SHC1: variants seen among roughly 807,000 people sequenced by gnomAD.
SHC1 encodes the protein SHC adaptor protein 1, also known as SHC-transforming protein 1.
SHC1 carries 30 observed loss-of-function variants against 55.9 expected under a neutral mutation model. The ratio of observed to expected loss-of-function variants is 0.54; its 90% CI spans 0.40 to 0.73. SHC1 has a LOEUF of 0.73. Ranked by LOEUF, SHC1 falls within the 30% of genes least tolerant of loss-of-function variation. The pLI is 0.00. For synonymous variants in SHC1, 309 were observed against 306.1 expected (o/e 1.01, Z -0.10); for missense variants, 675 against 777.1 (o/e 0.87, Z 1.56).
upstream of SHC1, among the ~76,000 whole-genome samples, chr1:154,972,286 A>G (rs1407723185): frequency 6.6e-6 from 1 of 152,060 alleles, no homozygotes; most frequent in East Asian, 1.9e-4. Flanking sequence ...TCACCTTGGA[A>G]TTACCCTTAG....
Position 154,965,684 on chromosome 1 carries a change from G to C in SHC1, c.1485C>G (p.Ser495Arg). 7 of 1,614,164 alleles carry C rather than the reference G, an allele frequency of 4.3e-6. 1 individual carries two copies. Among genetic ancestry groups the C allele is most frequent in the Middle Eastern group, 1.7e-4 (1 of 6,058 alleles). Residue 495 changes from serine to arginine, a missense_variant, in exon 11 of 12, where the codon AGC (serine) becomes AGG (arginine). Around this residue, in one of 3 missense-constraint regions of SHC1, gnomAD observed 360 missense variants for 371.1 expected, o/e 0.97. Transcript: ENST00000448116. ...GCAGCAGTGCCTCAGCCTCCCGCCG[G>C]CTCAGCTTCCCATGGAACCAGGGCT... is the stretch of plus-strand genomic sequence containing the variant. Reference protein sequence around the residue: ...RGEPWFHGKLSRREAEALLQL... With the variant: ...RGEPWFHGKLRRREAEALLQL...
At chr1:154,972,186 A>G (rs1656817525), upstream of SHC1, among the ~76,000 whole-genome samples, 1 of 151,848 alleles carries the variant, frequency 6.6e-6, no homozygotes, top group African/African-American at 2.4e-5. Flanking sequence ...CGGAGGTTGC[A>G]GTGAGCCGAG....
chr1:154,971,575 G>A (rs1656753815), upstream of SHC1, among the ~76,000 whole-genome samples: 1 of 152,096 alleles, frequency 6.6e-6, no homozygotes, highest in South Asian at 2.1e-4. Flanking sequence ...GGGTGAGAAT[G>A]AGGCAATCAG....
chr1:154,963,638 A>G lies in SHC1; in HGVS notation c.*165T>C. ...GGCAGGATTCTCACCCAGGCTTTTG[A>G]CTCAAACCCTCTCACTCAGCTGGAT... On this transcript the variant is annotated 3_prime_UTR_variant, in exon 12 of 12. Transcript: ENST00000448116. 2 of 646,978 alleles carry G rather than the reference A, an allele frequency of 3.1e-6. No individual in the cohort carries two copies. The allele number at this position is 646,978 out of a possible 1,614,324, so 40.1% of individuals were successfully genotyped here. A position where few individuals can be genotyped will look rare whatever the true frequency, so the allele number is the denominator to read the frequency against.
upstream of SHC1, among the ~76,000 whole-genome samples, chr1:154,972,956 A>AC (rs1183051703): frequency 2.0e-5 from 3 of 151,794 alleles, no homozygotes; most frequent in Non-Finnish European, 4.4e-5. Flanking sequence ...ACTATTATCT[A>AC]CCCCCACTCC....
rs1304889090 is a variant in SHC1, at chr1:154,970,162, G to A, written c.365C>T (p.Thr122Ile). 6.2e-7 allele frequency: 1 copy of A among 1,613,492 alleles called. No individual in the cohort carries two copies. The highest frequency in any genetic ancestry group is 8.5e-7 in the Non-Finnish European group (1 of 1,179,898). ...CCCAAGCTGGCCCCCTTCCACCCGA[G>A]TCCTGCGCCCGCCGCCTCCACTCAG... ...NKLSGGGGRR[T>I]RVEGGQLGGE... is the part of the protein sequence containing the mutation. Residue 122 changes from threonine (T) to isoleucine (I), a missense_variant, in exon 1 of 12, where the codon ACT becomes ATT. By Grantham distance (89) the Thr-to-Ile change is moderately conservative (BLOSUM62 -1). This residue lies in a region of SHC1 where 156 missense variants were observed against 159.1 expected (regional missense o/e 0.98). Transcript: ENST00000448116. The surrounding 1 kb of genome is among the most constrained non-coding windows in gnomAD (Gnocchi z 5.5).
In SHC1 at chr1:154,965,964, G is replaced by A. The variant is rs747330503; in HGVS notation, c.1369C>T (p.Arg457Trp). 2.6e-5 allele frequency: 42 copies of A among 1,613,232 alleles called. No homozygotes were observed. Among genetic ancestry groups the A allele is most frequent in the East Asian group, 2.2e-5 (1 of 44,862 alleles). ...CACTCACTCATGTCAAACAGGTCCC[G>A]GGGTGCACTGCCATTGATAGCAGGA... ...PNPAINGSAPRDLFDMKPFED... is the reference protein window; with the variant it reads ...PNPAINGSAPWDLFDMKPFED... The change falls in exon 10 of 12, where the codon CGG (arginine) becomes TGG (tryptophan). Residue 457 changes from arginine (R) to tryptophan (W), a missense_variant. This residue lies in a region of SHC1 where 360 missense variants were observed against 371.1 expected (regional missense o/e 0.97). Transcript: ENST00000448116.
rs771545541 is a variant in SHC1 at position 154,968,833 on chromosome 1, C to T, written c.568G>A (p.Glu190Lys). The change falls in exon 3 of 12, where the codon GAG becomes AAG. Residue 190 changes from glutamate to lysine, a missense_variant and splice_region_variant. This residue lies in a region of SHC1 where 159 missense variants were observed against 246.9 expected (regional missense o/e 0.64). Transcript: ENST00000448116. Reference protein sequence around the residue: ...DFNTRTQVTREAISLVCEAVP... With the variant: ...DFNTRTQVTRKAISLVCEAVP... ...GCCTCACACACCAGACTGATGGCCTCCCTGGGGAAAGAGGGGTACTCAGAC... is the reference window on the plus strand; with the variant it reads ...GCCTCACACACCAGACTGATGGCCTTCCTGGGGAAAGAGGGGTACTCAGAC... 1.2e-6 allele frequency: 2 copies of T among 1,613,980 alleles called. No homozygotes were observed. The highest frequency in any genetic ancestry group is 3.3e-5 in the Admixed American group (2 of 60,016).
At chr1:154,972,573 T>C (rs1656847954), upstream of SHC1, among the ~76,000 whole-genome samples, 1 of 152,166 alleles carries the variant, frequency 6.6e-6, no homozygotes, top group Admixed American at 6.5e-5. Context: ...TCTGTAGAGA[T>C]GATGTTCTGT....
chr1:154,968,837 G>A lies in SHC1; in HGVS notation c.567-3C>T. The stretch of plus-strand genomic sequence containing the variant: ...CACACACCAGACTGATGGCCTCCCT[G>A]GGGAAAGAGGGGTACTCAGACCCAG... On this transcript the variant is annotated splice_polypyrimidine_tract_variant and splice_region_variant and intron_variant, in intron 2 of 11. Transcript: ENST00000448116. 3.7e-6 allele frequency: 6 copies of A among 1,613,674 alleles called. No homozygotes were observed. Among genetic ancestry groups the A allele is most frequent in the Non-Finnish European group, 4.2e-6 (5 of 1,179,620 alleles).
intron 7 of SHC1, 49 bp downstream of exon 7, chr1:154,967,622 T>TTCCTAA: frequency 1.3e-6 from 2 of 1,597,240 alleles, no homozygotes; most frequent in Non-Finnish European, 1.7e-6. Context: ...CAGCCCTCCT[T>TTCCTAA]TCCTAATCCT....
At chr1:154,965,257 G>A (rs1360745185) in intron 11 of SHC1, 28 of 776,492 alleles carry the variant, frequency 3.6e-5, no homozygotes, top group South Asian at 1.2e-4. Flanking sequence ...GGCTGGTCTC[G>A]AACTCCTGAC....
chr1:154,962,457 C>G lies in SHC1; in HGVS notation c.*1346G>C, dbSNP rs1164554480. ...GCCGGCTTGCTGTGGTGTGGCCACCCCGGGCCTAGGCTGGGCCGGGCCTGT... is the reference window on the plus strand; with the variant it reads ...GCCGGCTTGCTGTGGTGTGGCCACCGCGGGCCTAGGCTGGGCCGGGCCTGT... On this transcript the variant is annotated 3_prime_UTR_variant, in exon 12 of 12. Transcript: ENST00000448116. 6.6e-6 allele frequency: 1 copy of G among 152,620 alleles called. No homozygotes were observed. The highest frequency in any genetic ancestry group is 2.4e-5 in the African/African-American group (1 of 41,438). The allele number at this position is 152,620 out of a possible 1,614,324, so 9.5% of individuals were successfully genotyped here.
chr1:154,970,709 T>C lies in SHC1; in HGVS notation c.-183A>G, dbSNP rs1656656827. 1.9e-6 allele frequency: 1 copy of C among 520,992 alleles called. No homozygotes were observed. Among genetic ancestry groups the C allele is most frequent in the Non-Finnish European group, 3.4e-6 (1 of 296,792 alleles). 32.3% of individuals were successfully genotyped at this position (520,992 alleles called of 1,614,324 possible). On this transcript the variant is annotated 5_prime_UTR_variant, in exon 1 of 12. Coordinates refer to ENST00000448116, the MANE Select transcript of SHC1 (RefSeq NM_001130040.2). The surrounding 1 kb of genome is among the most constrained non-coding windows in gnomAD (Gnocchi z 5.5). The stretch of plus-strand genomic sequence containing the variant: ...GCTCCCCAGCTCAGACCCAGACAGT[T>C]TCAGGCCCCATCCCCGCCCAACGTG...
In SHC1 at chr1:154,970,511, G is replaced by C; in HGVS notation, c.16C>G (p.Pro6Ala). ...CGGAGTGGATTGTACTTGGGCTTGGGGGGCAGGAGATCCATAGTTGAGGTG... is the reference window on the plus strand; with the variant it reads ...CGGAGTGGATTGTACTTGGGCTTGGCGGGCAGGAGATCCATAGTTGAGGTG... Reference protein sequence around the residue: MDLLPPKPKYNPLRNE... With the variant: MDLLPAKPKYNPLRNE... Residue 6 changes from proline to alanine, a missense_variant, in exon 1 of 12, where the codon CCC becomes GCC. Around this residue, in one of 3 missense-constraint regions of SHC1, gnomAD observed 156 missense variants for 159.1 expected, o/e 0.98. Coordinates refer to ENST00000448116, the MANE Select transcript of SHC1 (RefSeq NM_001130040.2). The surrounding 1 kb of genome is among the most constrained non-coding windows in gnomAD (Gnocchi z 5.5). 1 of 1,608,418 alleles carries C rather than the reference G, an allele frequency of 6.2e-7. No individual in the cohort carries two copies. Among genetic ancestry groups the C allele is most frequent in the South Asian group, 1.1e-5 (1 of 90,534 alleles).
At chr1:154,971,773 T>G (rs1200408972), upstream of SHC1, among the ~76,000 whole-genome samples, 3 of 152,068 alleles carry the variant, frequency 2.0e-5, no homozygotes, top group Non-Finnish European at 4.4e-5. Context: ...AAGACACATC[T>G]GCGTCAATAA....
At chr1:154,965,294 C>G in intron 11 of SHC1, 1 of 1,267,922 alleles carries the variant, frequency 7.9e-7, no homozygotes, top group East Asian at 3.5e-5. Flanking sequence ...GCCTCAGCCT[C>G]CCAAAGCGCT....
chr1:154,970,392 G>C lies in SHC1; in HGVS notation c.135C>G (p.Ile45Met). Residue 45 changes from isoleucine (I) to methionine (M), a missense_variant, in exon 1 of 12, where the codon ATC (isoleucine) becomes ATG (methionine). By Grantham distance (10) the Ile-to-Met change is conservative (BLOSUM62 1). Transcript: ENST00000448116. The surrounding 1 kb of genome is among the most constrained non-coding windows in gnomAD (Gnocchi z 5.5). Reference sequence around the variant, plus strand: ...TATCGTCCCCAGGCAGAGGAGGCAGGATGGGCCCCAGGGATGAAGCTGATG... The same window carrying C: ...TATCGTCCCCAGGCAGAGGAGGCAGCATGGGCCCCAGGGATGAAGCTGATG... ...PSPSASSLGP[I>M]LPPLPGDDSP... The C allele has an allele frequency of 1.2e-6, 2 of 1,603,558 alleles. No individual in the cohort carries two copies. The highest frequency in any genetic ancestry group is 1.7e-6 in the Non-Finnish European group (2 of 1,175,372).
At chr1:154,972,721 G>T (rs919369110), upstream of SHC1, among the ~76,000 whole-genome samples, 3 of 152,276 alleles carry the variant, frequency 2.0e-5, no homozygotes, top group South Asian at 4.1e-4. Context: ...TGGGTGTAGG[G>T]GAAAAGCTGT....
Sources: gnomAD v4.1 joint callset for allele counts (sites outside exome capture counted in the v4.1 genomes callset) on GRCh38, gnomAD v4.1.1 for gene constraint, gnomAD v4.1.1 regional missense constraint, Gnocchi (gnomAD v3.1) non-coding constraint, MANE v1.5 for transcripts, NCBI Gene and HGNC (gene_info 2026-07-23, HGNC 2026-07-21) for gene names.